VPS54: variants seen among roughly 807,000 people sequenced by gnomAD.
VPS54 encodes the protein vacuolar protein sorting-associated protein 54.
Under a neutral mutation model 121.5 loss-of-function variants are expected in VPS54, and 45 were observed. That is an observed-to-expected ratio of 0.37 (90% CI 0.29 to 0.47). The LOEUF (loss-of-function observed/expected upper bound fraction) is 0.47. Among genes scored for constraint, VPS54 ranks in the 20% least tolerant of loss-of-function variants. The pLI is 0.99. For missense variants in VPS54, 1,090 were observed against 1,131.4 expected, an observed-to-expected ratio of 0.96 and a Z score of 0.52; for synonymous variants, 371 against 385.8, an observed-to-expected ratio of 0.96 and a Z score of 0.45.
At chr2:63,957,441 CAAAAAAAA>C (rs10551633) in intron 7 of VPS54, among the ~76,000 whole-genome samples, 167 of 90,134 alleles carry the variant, frequency 1.9e-3, no homozygotes, top group Middle Eastern at 0.019. Context: ...GACTCCATCT[CAAAAAAAA>C]AAAAAAAAAA....
At chr2:63,915,892 T>C (rs771926533) in intron 16 of VPS54, among the ~76,000 whole-genome samples, 3 of 152,194 alleles carry the variant, frequency 2.0e-5, no homozygotes, top group Non-Finnish European at 4.4e-5. Flanking sequence ...ATCTCTACCT[T>C]TGAGGAATTC....
chr2:63,926,294 G>A (rs920258260), intron 12 of VPS54, among the ~76,000 whole-genome samples: 1 of 152,166 alleles, frequency 6.6e-6, no homozygotes, highest in Non-Finnish European at 1.5e-5. Flanking sequence ...TTAAGCTACA[G>A]AGTTTTTACA....
intron 12 of VPS54, 151 bp from the exon 13 acceptor site, chr2:63,921,486 T>C (rs1673644994): frequency 4.0e-6 from 3 of 755,564 alleles, no homozygotes; most frequent in Middle Eastern, 7.8e-4. Context: ...GTTTTTATAG[T>C]GAAACATTAC....
intron 12 of VPS54, among the ~76,000 whole-genome samples, chr2:63,926,464 T>C (rs1203093479): frequency 6.6e-6 from 1 of 152,214 alleles, no homozygotes; most frequent in Non-Finnish European, 1.5e-5. Context: ...GTGACCTTTA[T>C]AAGCTCCAGG....
intron 1 of VPS54, among the ~76,000 whole-genome samples, chr2:63,996,256 T>C (rs896879445): frequency 2.6e-5 from 4 of 152,240 alleles, no homozygotes; most frequent in African/African-American, 7.2e-5. Flanking sequence ...TAATTTCTTA[T>C]GCCTGTCTTT....
chr2:63,932,918 T>G (rs1225130432), intron 12 of VPS54, among the ~76,000 whole-genome samples: 2 of 152,134 alleles, frequency 1.3e-5, no homozygotes, highest in Non-Finnish European at 2.9e-5. Flanking sequence ...TAAGGTTATA[T>G]AGGAGTGTTC....
chr2:63,944,958 C>A (rs914591828), intron 9 of VPS54, among the ~76,000 whole-genome samples: 2 of 152,064 alleles, frequency 1.3e-5, no homozygotes, highest in African/African-American at 4.8e-5. Context: ...ATTAGTTCAA[C>A]CATTGTGGAA....
At chr2:64,001,039 A>C (rs774967973) in intron 1 of VPS54, among the ~76,000 whole-genome samples, 13 of 152,196 alleles carry the variant, frequency 8.5e-5, no homozygotes, top group Non-Finnish European at 1.5e-4. Flanking sequence ...AAACCTTAGA[A>C]GTCTACCTGG....
At chr2:63,983,738 G>A (rs576828396) in intron 2 of VPS54, 126 bp downstream of exon 2, 1,032 of 1,275,936 alleles carry the variant, frequency 8.1e-4, no homozygotes, top group Non-Finnish European at 9.4e-4. Flanking sequence ...CACCGTGCCC[G>A]GCCCCCCCAA....
chr2:64,005,668 T>C (rs1356974747), intron 1 of VPS54, among the ~76,000 whole-genome samples: 1 of 152,226 alleles, frequency 6.6e-6, no homozygotes, highest in Non-Finnish European at 1.5e-5. Flanking sequence ...AAGGGATAAT[T>C]CTGTTATCAG....
At chr2:63,990,501 C>T (rs1677267880) in intron 1 of VPS54, among the ~76,000 whole-genome samples, 1 of 152,072 alleles carries the variant, frequency 6.6e-6, no homozygotes, top group South Asian at 2.1e-4. Context: ...GTCACTTTGC[C>T]ATCCACTCAG....
intron 1 of VPS54, among the ~76,000 whole-genome samples, chr2:64,016,636 T>G (rs1678711079): frequency 1.4e-5 from 2 of 147,104 alleles, no homozygotes; most frequent in Middle Eastern, 3.6e-3. Context: ...TGAGATGGAG[T>G]CTCGTTCTGT....
chr2:64,014,213 C>T (rs919675736), intron 1 of VPS54, among the ~76,000 whole-genome samples: 8 of 152,176 alleles, frequency 5.3e-5, no homozygotes, highest in African/African-American at 1.7e-4. Flanking sequence ...TTCAAATACA[C>T]AGGAAGGCAG....
intron 3 of VPS54, among the ~76,000 whole-genome samples, chr2:63,973,542 T>A (rs1676382613): frequency 6.6e-6 from 1 of 152,052 alleles, no homozygotes; most frequent in Non-Finnish European, 1.5e-5. Flanking sequence ...AACTCCTTTG[T>A]TTATTTTTGG....
At chr2:63,967,086 G>T (rs1190760873) in intron 5 of VPS54, among the ~76,000 whole-genome samples, 1 of 152,082 alleles carries the variant, frequency 6.6e-6, no homozygotes, top group South Asian at 2.1e-4. Context: ...TGTTCTTGCA[G>T]GGTTAAATTT....
At position 64,017,401 on chromosome 2, in the gene VPS54, G is replaced by A. The variant is rs151321138; in HGVS notation, c.-21+1537C>T. Among the ~76,000 whole-genome samples, 8 of 151,464 alleles carry A rather than the reference G, an allele frequency of 5.3e-5. No homozygotes were observed. The East Asian group carries it at 1.5e-3, about 29-fold the overall frequency. ...ATGAAGAAATTCTGCAAAATTTGCC[G>A]TTTCATGGGCTATATAGGAATTGAC... On this transcript the variant is annotated intron_variant, in intron 1 of 22. Coordinates refer to ENST00000272322, the MANE Select transcript of VPS54 (RefSeq NM_016516.3).
intron 12 of VPS54, among the ~76,000 whole-genome samples, chr2:63,923,110 G>A (rs190930964): frequency 5.9e-5 from 9 of 152,124 alleles, no homozygotes; most frequent in East Asian, 5.8e-4. Context: ...TCAGGAGACC[G>A]AGATCATCCT....
chr2:63,902,798 T>C (rs1052948133), intron 20 of VPS54, among the ~76,000 whole-genome samples: 1 of 151,958 alleles, frequency 6.6e-6, no homozygotes, highest in Non-Finnish European at 1.5e-5. Flanking sequence ...CAAAACCCCA[T>C]CTCTACTAAA....
intron 12 of VPS54, among the ~76,000 whole-genome samples, 157 bp from the exon 13 acceptor site, chr2:63,921,492 A>T (rs1558992749): frequency 6.6e-6 from 1 of 152,200 alleles, no homozygotes; most frequent in Non-Finnish European, 1.5e-5. Flanking sequence ...ATAGTGAAAC[A>T]TTACTTAAAC....
Sources: gnomAD v4.1 joint callset for allele counts (sites outside exome capture counted in the v4.1 genomes callset) on GRCh38, gnomAD v4.1.1 for gene constraint, MANE v1.5 for transcripts, NCBI Gene and HGNC (gene_info 2026-07-23, HGNC 2026-07-21) for gene names.